CALCOCO1: variants seen among roughly 807,000 people sequenced by gnomAD.
CALCOCO1 encodes the protein calcium binding and coiled-coil domain 1.
A neutral mutation model predicts 86.3 loss-of-function variants in CALCOCO1; 44 were observed. The ratio of observed to expected loss-of-function variants is 0.51; its 90% CI spans 0.40 to 0.66. CALCOCO1 has a LOEUF of 0.66. Ranked by LOEUF, CALCOCO1 falls within the 30% of genes least tolerant of loss-of-function variation. CALCOCO1 has a pLI of 0.00. For synonymous variants in CALCOCO1, 297 were observed against 327.6 expected (o/e 0.91, Z 1.01); for missense variants, 708 against 851.1 (o/e 0.83, Z 2.09).
intron 3 of CALCOCO1, chr12:53,724,408 GT>G: frequency 2.0e-6 from 1 of 502,262 alleles, no homozygotes. Context: ...CCTTCTTTGG[GT>G]AGGACAGGGG....
At chr12:53,722,785 C>A in intron 4 of CALCOCO1, 1 of 347,044 alleles carries the variant, frequency 2.9e-6, no homozygotes, top group Non-Finnish European at 5.7e-6. Flanking sequence ...TTCTCTAAGT[C>A]TCTGTGTCCT....
At chr12:53,717,906 T>G (rs977705833) in intron 7 of CALCOCO1, among the ~76,000 whole-genome samples, 1 of 152,100 alleles carries the variant, frequency 6.6e-6, no homozygotes, top group African/African-American at 2.4e-5. Flanking sequence ...GTGCCTGTAA[T>G]CCCAGCTACT....
In CALCOCO1 at chr12:53,725,259, C is replaced by A; in HGVS notation, c.-17G>T. 1 of 1,569,200 alleles carries A rather than the reference C, an allele frequency of 6.4e-7. No homozygotes were observed. The highest frequency in any genetic ancestry group is 8.6e-7 in the Non-Finnish European group (1 of 1,158,642). On this transcript the variant is annotated 5_prime_UTR_variant, in exon 2 of 15. Transcript: ENST00000550804. ...TTCTTCCATCCTGGCCTTGAGATATCTGTCCTCCTATGAAAGAAAGGGTTG... is the reference window on the plus strand; with the variant it reads ...TTCTTCCATCCTGGCCTTGAGATATATGTCCTCCTATGAAAGAAAGGGTTG...
chr12:53,712,177 C>T, intron 14 of CALCOCO1, 56 bp from the exon 15 acceptor site: 1 of 1,485,216 alleles, frequency 6.7e-7, no homozygotes, highest in East Asian at 2.5e-5. Context: ...CCCTTCTTGA[C>T]TTGCAGACTT....
At chr12:53,724,595 A>G in intron 3 of CALCOCO1, 50 bp downstream of exon 3, 1 of 1,407,506 alleles carries the variant, frequency 7.1e-7, no homozygotes, top group Non-Finnish European at 1.0e-6. Flanking sequence ...CTTCTTTCAA[A>G]CCTCCACTCC....
At chr12:53,724,889 A>C in intron 2 of CALCOCO1, 142 bp from the exon 3 acceptor site, 2 of 825,870 alleles carry the variant, frequency 2.4e-6, no homozygotes. Flanking sequence ...GTGGAGGGAC[A>C]CTAATGTGTC....
chr12:53,723,458 G>T, intron 4 of CALCOCO1, 135 bp downstream of exon 4: 1 of 852,274 alleles, frequency 1.2e-6, no homozygotes, highest in African/African-American at 1.7e-5. Flanking sequence ...TCTCCTGGAG[G>T]CAGGACTTTG....
chr12:53,717,771 C>T (rs1019488399), intron 7 of CALCOCO1, among the ~76,000 whole-genome samples: 5 of 152,214 alleles, frequency 3.3e-5, no homozygotes, highest in African/African-American at 7.2e-5. Context: ...CCTGCAATCT[C>T]GGCATGATTT....
intron 7 of CALCOCO1, among the ~76,000 whole-genome samples, chr12:53,716,683 CTT>C (rs1409350763): frequency 1.3e-5 from 2 of 152,186 alleles, no homozygotes; most frequent in African/African-American, 4.8e-5. Context: ...CTACTCTATT[CTT>C]TCTCTTAAAT....
At position 53,713,090 on chromosome 12, in the gene CALCOCO1, T is replaced by C. The variant is rs1311685317; in HGVS notation, c.1898+10A>G. ...CCCACCTCCCTCCTGGCCTTGCTGG[T>C]TGAACTCACCTGGCCATGTCATAGA... is the stretch of plus-strand genomic sequence containing the variant. On this transcript the variant is annotated intron_variant, in intron 14 of 14. Coordinates refer to ENST00000550804, the MANE Select transcript of CALCOCO1 (RefSeq NM_020898.3). The C allele has an allele frequency of 6.2e-7, 1 of 1,612,722 alleles. No individual in the cohort carries two copies.
chr12:53,712,939 G>T, intron 14 of CALCOCO1, 161 bp downstream of exon 14: 2 of 1,289,036 alleles, frequency 1.6e-6, no homozygotes, highest in Non-Finnish European at 2.2e-6. Flanking sequence ...GGGATTTGGA[G>T]CAGTGAGTCA....
rs187017577 is a variant in CALCOCO1 at position 53,715,663 on chromosome 12, C to A, written c.1260+130G>T. On this transcript the variant is annotated intron_variant, in intron 9 of 14. Transcript: ENST00000550804. ...GTAAAGTGTACCTCCCTCAAAGCCC[C>A]TCTCCACCCAAGTCCTCTAAGGTTC... is the stretch of plus-strand genomic sequence containing the variant. 250 of 1,277,822 alleles carry A rather than the reference C, an allele frequency of 2.0e-4. No individual in the cohort carries two copies. In the African/African-American group the frequency reaches 3.6e-3, roughly 18 times the overall value. 79.2% of individuals were successfully genotyped at this position (1,277,822 alleles called of 1,614,324 possible). A position where few individuals can be genotyped will look rare whatever the true frequency, so the allele number is the denominator to read the frequency against.
At chr12:53,714,328 T>C (rs956829562) in intron 11 of CALCOCO1, 87 bp from the exon 12 acceptor site, 8 of 984,626 alleles carry the variant, frequency 8.1e-6, no homozygotes, top group Non-Finnish European at 1.3e-5. Context: ...CAAGAAGAAC[T>C]CTTAGCTCCT....
chr12:53,721,910 G>T, intron 5 of CALCOCO1, 115 bp downstream of exon 5: 2 of 1,233,782 alleles, frequency 1.6e-6, no homozygotes, highest in Non-Finnish European at 1.2e-6. Context: ...TTTCCTTGAT[G>T]CCAGAACCAT....
rs60486638 is a variant in CALCOCO1 at position 53,709,216 on chromosome 12, G to C, written c.*2728C>G. The C allele has an allele frequency of 6.6e-6, 1 of 152,266 alleles. No individual in the cohort carries two copies. Among genetic ancestry groups the C allele is most frequent in the Non-Finnish European group, 1.5e-5 (1 of 68,080 alleles). The allele number at this position is 152,266 out of a possible 1,614,324, so 9.4% of individuals were successfully genotyped here. On this transcript the variant is annotated 3_prime_UTR_variant, in exon 15 of 15. Coordinates refer to ENST00000550804, the MANE Select transcript of CALCOCO1 (RefSeq NM_020898.3). ...GAAAGGGATGATCCATTATAGAAGAGAAATAAGTAGAAAGGCTGAGTTGCC... is the reference window on the plus strand; with the variant it reads ...GAAAGGGATGATCCATTATAGAAGACAAATAAGTAGAAAGGCTGAGTTGCC...
intron 5 of CALCOCO1, 156 bp from the exon 6 acceptor site, chr12:53,721,771 T>C: frequency 1.0e-6 from 1 of 984,012 alleles, no homozygotes; most frequent in Non-Finnish European, 1.6e-6. Context: ...AACATTCCCT[T>C]ACCTATCAAC....
Position 53,715,850 on chromosome 12 carries a change from C to T in CALCOCO1, c.1203G>A (p.Leu401=), listed in dbSNP as rs146203542. Residue 401 remains leucine (L), a synonymous_variant, in exon 9 of 15, where the codon TTG becomes TTA. Coordinates refer to ENST00000550804, the MANE Select transcript of CALCOCO1 (RefSeq NM_020898.3). ...NGRLAELGLH[L]KEEKCQWSKE... is the part of the protein sequence containing the mutation. Reference sequence around the variant, plus strand: ...TGCTCCATTGGCATTTTTCTTCCTTCAAGTGCAAACCGAGCTCAGCCAGCC... The same window carrying T: ...TGCTCCATTGGCATTTTTCTTCCTTTAAGTGCAAACCGAGCTCAGCCAGCC... 49 of 1,614,134 alleles carry T rather than the reference C, an allele frequency of 3.0e-5. No individual in the cohort carries two copies. The African/African-American group carries it at 6.0e-4, about 20-fold the overall frequency.
At position 53,715,751 on chromosome 12, in the gene CALCOCO1, G is replaced by A. The variant is rs202204885; in HGVS notation, c.1260+42C>T. 9.3e-4 allele frequency: 1,483 copies of A among 1,601,776 alleles called. 1 individual carries two copies. Among genetic ancestry groups the A allele is most frequent in the Non-Finnish European group, 1.2e-3 (1,355 of 1,175,756 alleles). On this transcript the variant is annotated intron_variant, in intron 9 of 14. Coordinates refer to ENST00000550804, the MANE Select transcript of CALCOCO1 (RefSeq NM_020898.3). ...ATGTAGGAGTCCCCACAGAGGTGGG[G>A]GCAGTGGCCATCAGATTGCCAGGTA...
chr12:53,709,566 T>G lies in CALCOCO1; in HGVS notation c.*2378A>C, dbSNP rs1022683675. On this transcript the variant is annotated 3_prime_UTR_variant, in exon 15 of 15. Transcript: ENST00000550804. ...TGGAGGAGGGGAGTATGAAGCAGATTCGGGACAGTGAAGCAGAACAGGGCT... is the reference window on the plus strand; with the variant it reads ...TGGAGGAGGGGAGTATGAAGCAGATGCGGGACAGTGAAGCAGAACAGGGCT... 6.6e-6 allele frequency: 1 copy of G among 152,178 alleles called. No homozygotes were observed. Among genetic ancestry groups the G allele is most frequent in the Non-Finnish European group, 1.5e-5 (1 of 68,122 alleles). The allele number at this position is 152,178 out of a possible 1,614,324, so 9.4% of individuals were successfully genotyped here.
Sources: allele counts gnomAD v4.1 joint callset (sites outside exome capture counted in the v4.1 genomes callset), GRCh38; gene constraint gnomAD v4.1.1; transcripts MANE v1.5; gene names NCBI Gene and HGNC (gene_info 2026-07-23, HGNC 2026-07-21).